USP9X: variants seen among roughly 807,000 people sequenced by gnomAD.
The protein encoded by USP9X is ubiquitin specific peptidase 9 X-linked.
A neutral mutation model predicts 190.3 loss-of-function variants in USP9X; 7 were observed. That is an observed-to-expected ratio of 0.04 (90% CI 0.02 to 0.07). USP9X has a LOEUF of 0.07. Ranked by LOEUF, USP9X falls within the 10% of genes least tolerant of loss-of-function variation. The pLI, the probability that USP9X is intolerant of heterozygous loss-of-function variation, is 1.00. For missense variants in USP9X, 1,010 were observed against 1,916.9 expected, an observed-to-expected ratio of 0.53 and a Z score of 8.83; for synonymous variants, 645 against 659.5, an observed-to-expected ratio of 0.98 and a Z score of 0.34.
intron 29 of USP9X, among the ~76,000 whole-genome samples, 155 bp from the exon 30 acceptor site, chrX:41,198,373 G>A (rs867222923): frequency 1.2e-5 from 1 of 85,407 alleles, no homozygotes; most frequent in African/African-American, 3.6e-5. Context: ...GTGTTTTGAA[G>A]GAAGATCTTT....
intron 26 of USP9X, 167 bp from the exon 27 acceptor site, chrX:41,196,084 G>A (rs2062981691): frequency 1.8e-6 from 1 of 547,328 alleles, no homozygotes; most frequent in Non-Finnish European, 3.1e-6. Flanking sequence ...ATTATGTGGT[G>A]TTGGCTTGAG....
chrX:41,215,289 G>C, intron 34 of USP9X, among the ~76,000 whole-genome samples: 1 of 112,543 alleles, frequency 8.9e-6, no homozygotes, highest in Non-Finnish European at 1.9e-5. Context: ...TGTATCTTTG[G>C]GAGCTCCCAA....
At chrX:41,209,908 T>G (rs2063144072) in intron 32 of USP9X, among the ~76,000 whole-genome samples, 1 of 112,000 alleles carries the variant, frequency 8.9e-6, no homozygotes, top group Non-Finnish European at 1.9e-5. Context: ...ATTGATAGTT[T>G]CCAGCAGTGC....
rs1223612891 is a variant in USP9X, at chrX:41,233,834, A to AT, written c.*1312dup. 1 of 112,320 alleles carries AT rather than the reference A, an allele frequency of 8.9e-6. No homozygotes were observed. Among genetic ancestry groups the AT allele is most frequent in the Non-Finnish European group, 1.9e-5 (1 of 53,230 alleles). 9.3% of individuals were successfully genotyped at this position (112,320 alleles called of 1,213,427 possible). A position where few individuals can be genotyped will look rare whatever the true frequency, so the allele number is the denominator to read the frequency against. On this transcript the variant is annotated 3_prime_UTR_variant, in exon 45 of 45. Transcript: ENST00000378308. ...CAGTTCATACTGTATTTAAAAGAGA[A>AT]TTGGTAACTTGAATGTGTGTAATTT...
intron 32 of USP9X, among the ~76,000 whole-genome samples, chrX:41,206,621 C>G (rs1047323746): frequency 3.6e-5 from 4 of 110,749 alleles, no homozygotes; most frequent in African/African-American, 1.3e-4. Context: ...GATCTAGAGG[C>G]TTGATCAGAT....
At chrX:41,223,103 G>A in intron 38 of USP9X, 114 bp from the exon 39 acceptor site, 1 of 714,484 alleles carries the variant, frequency 1.4e-6, no homozygotes, top group Non-Finnish European at 2.0e-6. Flanking sequence ...AAAAATTATA[G>A]ACAAGATATT....
rs1192533168 is a variant in USP9X, at chrX:41,114,061, G to A, written c.-158-9410G>A. On this transcript the variant is annotated intron_variant, in intron 1 of 44. Coordinates refer to ENST00000378308, the MANE Select transcript of USP9X (RefSeq NM_001039591.3). ...TGCTACTGCGATGAGTTTGTTGTAA[G>A]TATCCGATGAAAATATGTGACGCTG... is the stretch of plus-strand genomic sequence containing the variant. Among the ~76,000 whole-genome samples the A allele has an allele frequency of 2.7e-5, 3 of 112,704 alleles. No individual in the cohort carries two copies. In the Admixed American group the frequency reaches 2.8e-4, roughly 11 times the overall value.
At chrX:41,102,941 C>A (rs1306898594) in intron 1 of USP9X, among the ~76,000 whole-genome samples, 1 of 111,037 alleles carries the variant, frequency 9.0e-6, no homozygotes, top group African/African-American at 3.3e-5. Flanking sequence ...TATAGGCGCC[C>A]GCCACCACGC....
At chrX:41,191,862 T>C (rs937728331) in intron 26 of USP9X, among the ~76,000 whole-genome samples, 1 of 111,999 alleles carries the variant, frequency 8.9e-6, no homozygotes, top group Non-Finnish European at 1.9e-5. Context: ...GGATGTAGCA[T>C]GTGAGCTCAT....
intron 41 of USP9X, 164 bp from the exon 42 acceptor site, chrX:41,229,088 CA>C (rs1173444083): frequency 6.3e-5 from 23 of 363,557 alleles, no homozygotes; most frequent in South Asian, 9.7e-5. Context: ...CAGGCCGTCT[CA>C]AAAAAAATAA....
rs1158519140 is a variant in USP9X, at chrX:41,161,329, CTTTTTTTTTTTT to C, written c.1898-1445_1898-1434del. ...GTAAAGAGTATAAGAGAATTCTTGC[CTTTTTTTTTTTT>C]TTTTTTTTTTTTTTTGGTGACGGAG... On this transcript the variant is annotated intron_variant, in intron 14 of 44. Coordinates refer to ENST00000378308, the MANE Select transcript of USP9X (RefSeq NM_001039591.3). Among the ~76,000 whole-genome samples the C allele has an allele frequency of 6.0e-3, 195 of 32,472 alleles. 1 individual carries two copies. The highest frequency in any genetic ancestry group is 0.026 in the African/African-American group (171 of 6,654). The allele number at this position is 32,472 out of a possible 115,157, so 28.2% of individuals were successfully genotyped here.
At chrX:41,170,304 C>G (rs755308018) in intron 19 of USP9X, 69 bp downstream of exon 19, 1 of 1,109,793 alleles carries the variant, frequency 9.0e-7, no homozygotes, top group Admixed American at 2.5e-5. Context: ...TCAGTAAATA[C>G]TAATTGAGCA....
intron 31 of USP9X, among the ~76,000 whole-genome samples, chrX:41,202,940 G>A (rs867325224): frequency 4.5e-5 from 5 of 111,453 alleles, no homozygotes; most frequent in Non-Finnish European, 9.4e-5. Flanking sequence ...TTTTTGTGGG[G>A]TTTTTTGGGT....
chrX:41,223,058 G>C (rs1356583430), intron 38 of USP9X, among the ~76,000 whole-genome samples, 159 bp from the exon 39 acceptor site: 1 of 112,149 alleles, frequency 8.9e-6, no homozygotes, highest in Non-Finnish European at 1.9e-5. Flanking sequence ...CTAAGTAAAA[G>C]TGATAAAATT....
At chrX:41,187,730 A>G (rs977310407) in intron 24 of USP9X, among the ~76,000 whole-genome samples, 6 of 110,570 alleles carry the variant, frequency 5.4e-5, no homozygotes, top group African/African-American at 2.0e-4. Context: ...ATGAGGTAGG[A>G]GGATCTCTTG....
chrX:41,117,760 C>T (rs767300307), intron 1 of USP9X, among the ~76,000 whole-genome samples: 6 of 108,008 alleles, frequency 5.6e-5, no homozygotes, highest in East Asian at 5.9e-4. Context: ...GGGGTTTCAC[C>T]GTGTTAGCCA....
chrX:41,206,672 C>T (rs751751169), intron 32 of USP9X, among the ~76,000 whole-genome samples: 19 of 111,271 alleles, frequency 1.7e-4, no homozygotes, highest in Admixed American at 1.5e-3. Context: ...ATAGGCAACG[C>T]TACTTCATAG....
intron 38 of USP9X, among the ~76,000 whole-genome samples, chrX:41,220,303 A>G (rs367856840): frequency 1.8e-5 from 2 of 111,967 alleles, no homozygotes; most frequent in African/African-American, 3.2e-5. Flanking sequence ...ATTCTGTTCA[A>G]CTCTTTTAGA....
At chrX:41,203,094 A>G (rs2063057284) in intron 31 of USP9X, among the ~76,000 whole-genome samples, 1 of 112,342 alleles carries the variant, frequency 8.9e-6, no homozygotes, top group Non-Finnish European at 1.9e-5. Flanking sequence ...GTAAAAACAC[A>G]TTCTTCTTTG....
Sources: gnomAD v4.1 joint callset for allele counts (sites outside exome capture counted in the v4.1 genomes callset) on GRCh38, gnomAD v4.1.1 for gene constraint, MANE v1.5 for transcripts, NCBI Gene and HGNC (gene_info 2026-07-23, HGNC 2026-07-21) for gene names.